GLIS3: variants seen among roughly 807,000 people sequenced by gnomAD.
GLIS3 encodes zinc finger protein GLIS3.
A neutral mutation model predicts 78.6 loss-of-function variants in GLIS3; 53 were observed. The ratio of observed to expected loss-of-function variants is 0.67; its 90% confidence interval spans 0.54 to 0.85. GLIS3 has a LOEUF of 0.85. Among genes scored for constraint, GLIS3 ranks in the 40% least tolerant of loss-of-function variants. The pLI, the probability that GLIS3 is intolerant of heterozygous loss-of-function variation, is 0.00. For missense variants in GLIS3, 1,703 were observed against 1,231.1 expected (o/e 1.38, Z -5.74); for synonymous variants, 684 against 509.9 (o/e 1.34, Z -4.60).
At chr9:4,260,122 G>C (rs1825370836) in intron 2 of GLIS3, among the ~76,000 whole-genome samples, 1 of 152,198 alleles carries the variant, frequency 6.6e-6, no homozygotes, top group African/African-American at 2.4e-5. Flanking sequence ...CAGCTGACCA[G>C]GTGTCTGATT....
chr9:4,119,570 A>C (rs553024489), intron 3 of GLIS3, among the ~76,000 whole-genome samples: 1 of 152,202 alleles, frequency 6.6e-6, no homozygotes, highest in Admixed American at 6.5e-5. Context: ...TAACAAACTG[A>C]TAACAAGTCA....
chr9:4,187,515 T>G (rs1817917622), intron 2 of GLIS3, among the ~76,000 whole-genome samples: 1 of 152,206 alleles, frequency 6.6e-6, no homozygotes, highest in South Asian at 2.1e-4. Flanking sequence ...TAAAGTAGTT[T>G]TTTCCAATTC....
At chr9:4,213,376 T>C (rs1225966530) in intron 2 of GLIS3, among the ~76,000 whole-genome samples, 1 of 152,208 alleles carries the variant, frequency 6.6e-6, no homozygotes, top group East Asian at 1.9e-4. Context: ...ACATAGCATA[T>C]ACTGTATCCC....
chr9:3,888,808 C>T (rs925685678), intron 7 of GLIS3, among the ~76,000 whole-genome samples: 2 of 152,116 alleles, frequency 1.3e-5, no homozygotes, highest in African/African-American at 2.4e-5. Flanking sequence ...GAGTTTATGC[C>T]CATATACAAC....
At chr9:4,212,207 T>A (rs910090483) in intron 2 of GLIS3, among the ~76,000 whole-genome samples, 3 of 152,258 alleles carry the variant, frequency 2.0e-5, no homozygotes, top group Admixed American at 6.5e-5. Flanking sequence ...ATAACAAGGG[T>A]CATTGATCTG....
intron 4 of GLIS3, among the ~76,000 whole-genome samples, chr9:4,052,765 G>A (rs908095856): frequency 6.6e-6 from 1 of 152,046 alleles, no homozygotes; most frequent in Non-Finnish European, 1.5e-5. Flanking sequence ...CCTATTATGA[G>A]CAGTGCTACT....
chr9:4,038,531 C>T (rs1824525578), intron 4 of GLIS3, among the ~76,000 whole-genome samples: 1 of 152,172 alleles, frequency 6.6e-6, no homozygotes, highest in Admixed American at 6.5e-5. Flanking sequence ...ATACACTTTC[C>T]CAGGCCTCAA....
intron 2 of GLIS3, among the ~76,000 whole-genome samples, chr9:4,186,792 G>C (rs1322394905): frequency 6.6e-6 from 1 of 152,152 alleles, no homozygotes; most frequent in Admixed American, 6.5e-5. Flanking sequence ...CTGCATAAAT[G>C]TCTTCTTTTG....
chr9:4,397,047 A>G, the GLIS3 span, among the ~76,000 whole-genome samples: 5 of 118,718 alleles, frequency 4.2e-5, no homozygotes, highest in African/African-American at 1.7e-4. Flanking sequence ...TTTTTTTGAG[A>G]AAGAGTCTCG....
At chr9:3,964,540 G>A (rs538251938) in intron 4 of GLIS3, among the ~76,000 whole-genome samples, 1 of 152,276 alleles carries the variant, frequency 6.6e-6, no homozygotes, top group Non-Finnish European at 1.5e-5. Flanking sequence ...TAAATCTGAT[G>A]TTCTGAAGAT....
intron 4 of GLIS3, among the ~76,000 whole-genome samples, chr9:3,970,653 C>G (rs1039358277): frequency 6.6e-6 from 1 of 152,152 alleles, no homozygotes; most frequent in African/African-American, 2.4e-5. Flanking sequence ...GAAGCCCTAT[C>G]CTATAGCATG....
At chr9:3,934,895 C>A (rs1464256082) in intron 5 of GLIS3, among the ~76,000 whole-genome samples, 2 of 152,126 alleles carry the variant, frequency 1.3e-5, no homozygotes, top group African/African-American at 4.8e-5. Context: ...GTTACCTAAG[C>A]TTTAACTAGC....
chr9:4,418,268 C>CA, the GLIS3 span, among the ~76,000 whole-genome samples: 1 of 152,002 alleles, frequency 6.6e-6, no homozygotes, highest in East Asian at 1.9e-4. Context: ...ATATGTATTG[C>CA]AAAAAAAGAG....
intron 9 of GLIS3, among the ~76,000 whole-genome samples, chr9:3,836,884 G>A (rs1002942230): frequency 6.6e-6 from 1 of 152,160 alleles, no homozygotes; most frequent in Admixed American, 6.5e-5. Flanking sequence ...GTGACCCTAT[G>A]TTAAAGGACA....
the GLIS3 span, among the ~76,000 whole-genome samples, chr9:4,362,443 G>A: frequency 3.0e-4 from 45 of 152,292 alleles, no homozygotes; most frequent in Non-Finnish European, 5.4e-4. Flanking sequence ...CTCAGCTGAA[G>A]CTCCCTTTGT....
chr9:4,019,698 CAT>C (rs1184545152), intron 4 of GLIS3, among the ~76,000 whole-genome samples: 2 of 152,062 alleles, frequency 1.3e-5, no homozygotes, highest in Non-Finnish European at 2.9e-5. Flanking sequence ...ATGTGAGACT[CAT>C]GGGAAGATGC....
At chr9:3,950,086 C>T (rs1003021099) in intron 4 of GLIS3, among the ~76,000 whole-genome samples, 1 of 152,216 alleles carries the variant, frequency 6.6e-6, no homozygotes. Flanking sequence ...CCAAAGCCTA[C>T]AAGTCATTTT....
chr9:4,298,407 A>G (rs1816789615), intron 1 of GLIS3: 3 of 456,160 alleles, frequency 6.6e-6, no homozygotes, highest in Non-Finnish European at 1.3e-5. Context: ...CCATAGGATG[A>G]CAAATCAGCC....
At chr9:3,972,058 GT>G (rs1335664295) in intron 4 of GLIS3, among the ~76,000 whole-genome samples, 7 of 152,172 alleles carry the variant, frequency 4.6e-5, no homozygotes, top group Non-Finnish European at 8.8e-5. Context: ...ACACTAGCGT[GT>G]TAGCATTTCG....
Sources: gnomAD v4.1 joint callset for allele counts (sites outside exome capture counted in the v4.1 genomes callset) on GRCh38, gnomAD v4.1.1 for gene constraint, MANE v1.5 for transcripts, NCBI Gene and HGNC (gene_info 2026-07-23, HGNC 2026-07-21) for gene names.